Variants in TTYH3 observed in about 807,000 individuals in gnomAD.
TTYH3 encodes protein tweety homolog 3.
Under a neutral mutation model 68.2 loss-of-function variants are expected in TTYH3, and 23 were observed. The ratio of observed to expected loss-of-function variants is 0.34; its 90% CI spans 0.24 to 0.48. The LOEUF is 0.48. TTYH3 is among the 20% of genes least tolerant of loss of function. The pLI is 0.99. For synonymous variants in TTYH3, 360 were observed against 332.8 expected (o/e 1.08, Z -0.89); for missense variants, 768 against 727.7 (o/e 1.06, Z -0.64).
At chr7:2,653,070 G>A (rs1786236366) in intron 9 of TTYH3, 60 bp downstream of exon 9, 2 of 1,476,638 alleles carry the variant, frequency 1.4e-6, no homozygotes, top group South Asian at 1.2e-5. Flanking sequence ...CAGCATGAAA[G>A]GAATTTGTGG....
At chr7:2,655,635 C>T (rs549245251) in intron 9 of TTYH3, among the ~76,000 whole-genome samples, 122 of 152,352 alleles carry the variant, frequency 8.0e-4, no homozygotes, top group Non-Finnish European at 1.4e-3. Flanking sequence ...ACGTAAGCAC[C>T]GGTGAGCACA....
At chr7:2,637,850 G>C (rs1020763355) in intron 1 of TTYH3, among the ~76,000 whole-genome samples, 1 of 152,148 alleles carries the variant, frequency 6.6e-6, no homozygotes, top group African/African-American at 2.4e-5. Context: ...TGGGAGGCTG[G>C]CTGAGACCTG....
At chr7:2,658,813 C>T (rs546631321) in intron 12 of TTYH3, 127 bp from the exon 13 acceptor site, 11 of 916,672 alleles carry the variant, frequency 1.2e-5, no homozygotes, top group East Asian at 7.3e-5. Flanking sequence ...GTGCTGGGTT[C>T]GTGGGACCCC....
intron 11 of TTYH3, among the ~76,000 whole-genome samples, chr7:2,657,005 A>T (rs1311568258): frequency 6.6e-6 from 1 of 152,218 alleles, no homozygotes; most frequent in Admixed American, 6.5e-5. Context: ...CAGCTAAGTG[A>T]CCAGGATAGA....
In TTYH3 at chr7:2,656,487, G is replaced by A. The variant is rs776689953; in HGVS notation, c.1203G>A (p.Met401Ile). The change falls in exon 11 of 14, where the codon ATG (methionine) becomes ATA (isoleucine). Residue 401 changes from methionine to isoleucine, a missense_variant. Physicochemically the swap from Met to Ile is conservative, Grantham distance 10. Coordinates refer to ENST00000258796, the MANE Select transcript of TTYH3 (RefSeq NM_025250.3). The part of the protein sequence containing the change: ...LALFSFVTAL[M>I]FSSIVCSVPH... The stretch of plus-strand genomic sequence containing the variant: ...TCTTCTCCTTCGTCACAGCCCTCAT[G>A]TTCAGCTCCATCGTCTGCAGCGTCC... 1.2e-6 allele frequency: 2 copies of A among 1,611,462 alleles called. No homozygotes were observed. Among genetic ancestry groups the A allele is most frequent in the Non-Finnish European group, 1.7e-6 (2 of 1,179,492 alleles).
At chr7:2,647,916 C>G (rs757363887) in intron 4 of TTYH3, 43 bp from the exon 5 acceptor site, 3 of 1,597,814 alleles carry the variant, frequency 1.9e-6, no homozygotes, top group Non-Finnish European at 2.5e-6. Context: ...ACTCCCAGGC[C>G]CCGGGTCCCT....
chr7:2,651,425 G>C (rs559618735), intron 7 of TTYH3, among the ~76,000 whole-genome samples: 67 of 152,310 alleles, frequency 4.4e-4, no homozygotes, highest in Non-Finnish European at 2.6e-4. Flanking sequence ...GGGTGGGCCC[G>C]CTCTGCTAGG....
In TTYH3 at chr7:2,658,298, G is replaced by A; in HGVS notation, c.1263G>A (p.Glu421=). Residue 421 remains glutamate, a synonymous_variant, in exon 12 of 14, where the codon GAG becomes GAA. Transcript: ENST00000258796. ...TCCCTCCTCACAGAGGCCCTGATGAGGACGGGGAGGAGGAGGCCGCTCCAG... is the reference window on the plus strand; with the variant it reads ...TCCCTCCTCACAGAGGCCCTGATGAAGACGGGGAGGAGGAGGCCGCTCCAG... ...HTWQQKRGPD[E]DGEEEAAPGP... The A allele has an allele frequency of 4.4e-6, 7 of 1,588,314 alleles. No homozygotes were observed. Among genetic ancestry groups the A allele is most frequent in the Non-Finnish European group, 6.0e-6 (7 of 1,167,074 alleles).
In TTYH3 at chr7:2,652,183, G is replaced by A. The variant is rs769638326; in HGVS notation, c.872-4G>A. ...GCTCAGCCTTCCCTGATGTCTCTCC[G>A]CAGACATCCTGCAGTACTACCTGGC... On this transcript the variant is annotated splice_polypyrimidine_tract_variant and splice_region_variant and intron_variant, in intron 7 of 13. Transcript: ENST00000258796. The A allele has an allele frequency of 6.4e-5, 104 of 1,613,000 alleles. 1 individual carries two copies. The highest frequency in any genetic ancestry group is 3.3e-4 in the Middle Eastern group (2 of 6,038).
chr7:2,632,743 G>A (rs555032163), intron 1 of TTYH3, among the ~76,000 whole-genome samples: 2 of 152,364 alleles, frequency 1.3e-5, no homozygotes, highest in East Asian at 3.9e-4. Context: ...GAGCACATTG[G>A]GTGCAGGCAG....
In TTYH3 at chr7:2,632,056, G is replaced by T; in HGVS notation, c.-100G>T. Reference sequence around the variant, plus strand: ...GCCCAGGAGCGCGCGGATGATGCGGGCGGCCAGGCGGGGGTCGACGGGTCC... The same window carrying T: ...GCCCAGGAGCGCGCGGATGATGCGGTCGGCCAGGCGGGGGTCGACGGGTCC... On this transcript the variant is annotated 5_prime_UTR_variant, in exon 1 of 14. Coordinates refer to ENST00000258796, the MANE Select transcript of TTYH3 (RefSeq NM_025250.3). 3.7e-6 allele frequency: 4 copies of T among 1,090,696 alleles called. No individual in the cohort carries two copies. The highest frequency in any genetic ancestry group is 4.6e-6 in the Non-Finnish European group (4 of 873,090). The allele number at this position is 1,090,696 out of a possible 1,614,324, so 67.6% of individuals were successfully genotyped here. A position where few individuals can be genotyped will look rare whatever the true frequency, so the allele number is the denominator to read the frequency against.
chr7:2,647,379 G>A (rs1364155050), intron 3 of TTYH3, 39 bp from the exon 4 acceptor site: 4 of 1,461,956 alleles, frequency 2.7e-6, no homozygotes, highest in Non-Finnish European at 2.7e-6. Context: ...GGGGCGAGGC[G>A]GGCGCGCTCC....
rs1165627333 is a variant in TTYH3 at position 2,656,396 on chromosome 7, A to G, written c.1114-2A>G. 1 of 1,608,210 alleles carries G rather than the reference A, an allele frequency of 6.2e-7. No homozygotes were observed. Reference sequence around the variant, plus strand: ...TCCTGCCATCTCATCCCACGGCCTCAGGACTACGTGCAAGCGCTGACCGGC... The same window carrying G: ...TCCTGCCATCTCATCCCACGGCCTCGGGACTACGTGCAAGCGCTGACCGGC... On this transcript the variant is annotated splice_acceptor_variant, in intron 10 of 13. Coordinates refer to ENST00000258796, the MANE Select transcript of TTYH3 (RefSeq NM_025250.3). LOFTEE classifies it high-confidence loss of function.
chr7:2,657,082 G>C (rs1304526519), intron 11 of TTYH3, among the ~76,000 whole-genome samples: 1 of 152,104 alleles, frequency 6.6e-6, no homozygotes, highest in East Asian at 1.9e-4. Context: ...CCCTGCCTGA[G>C]TCTTCCCATT....
chr7:2,660,135 C>T, intron 13 of TTYH3: 1 of 1,217,608 alleles, frequency 8.2e-7, no homozygotes, highest in Non-Finnish European at 1.1e-6. Flanking sequence ...CGGCACTGAG[C>T]TGGGGCTCCA....
At chr7:2,648,389 C>T in intron 5 of TTYH3, 1 of 276,184 alleles carries the variant, frequency 3.6e-6, no homozygotes, top group Non-Finnish European at 6.8e-6. Context: ...CTCCTTCCTC[C>T]ACCCCTTCCA....
chr7:2,646,000 C>T lies in TTYH3; in HGVS notation c.124-853C>T. The T allele has an allele frequency of 5.9e-6, 2 of 337,796 alleles. No homozygotes were observed. Among genetic ancestry groups the T allele is most frequent in the South Asian group, 4.5e-5 (2 of 44,846 alleles). The allele number at this position is 337,796 out of a possible 1,614,324, so 20.9% of individuals were successfully genotyped here. ...CAGCCCCCTCCCCAGGGCTTCGCTT[C>T]TTCGGGGGAGCAGCAGCACTTTTTT... On this transcript the variant is annotated intron_variant, in intron 1 of 13. Transcript: ENST00000258796. The surrounding 1 kb of genome is among the most constrained non-coding windows in gnomAD (Gnocchi z 4.8).
chr7:2,648,002 T>A lies in TTYH3; in HGVS notation c.670T>A (p.Cys224Ser), dbSNP rs776198635. ...CCTGCTGCTGCTGGACGTCATCATC[T>A]GCCTCCTGGTGCTGGTTGGCCTCAT... ...LGLLLLDVII[C>S]LLVLVGLIRS... The change falls in exon 5 of 14, where the codon TGC becomes AGC. Residue 224 changes from cysteine (C) to serine (S), a missense_variant. By Grantham distance (112) the Cys-to-Ser change is moderately radical. Transcript: ENST00000258796. The A allele has an allele frequency of 8.1e-6, 13 of 1,611,016 alleles. No individual in the cohort carries two copies. The highest frequency in any genetic ancestry group is 1.0e-5 in the Non-Finnish European group (12 of 1,179,896).
At position 2,639,061 on chromosome 7, in the gene TTYH3, C is replaced by T. The variant is rs908773694; in HGVS notation, c.123+6783C>T. 5.9e-5 allele frequency among the ~76,000 whole-genome samples: 9 copies of T among 152,242 alleles called. No homozygotes were observed. In the East Asian group the frequency reaches 1.4e-3, roughly 23 times the overall value. ...CACAGTGCTGGGGGCCAGAACCCCTCGGTCTGCACTGGGGTGTGGGACCCC... is the reference window on the plus strand; with the variant it reads ...CACAGTGCTGGGGGCCAGAACCCCTTGGTCTGCACTGGGGTGTGGGACCCC... On this transcript the variant is annotated intron_variant, in intron 1 of 13. Transcript: ENST00000258796.
Sources: gnomAD v4.1 joint callset for allele counts (sites outside exome capture counted in the v4.1 genomes callset) on GRCh38, gnomAD v4.1.1 for gene constraint, Gnocchi (gnomAD v3.1) non-coding constraint, MANE v1.5 for transcripts, NCBI Gene and HGNC (gene_info 2026-07-23, HGNC 2026-07-21) for gene names.